Variants in PCDH7 observed in about 807,000 individuals in gnomAD.
PCDH7 encodes protocadherin 7, also known as protocadherin-7.
PCDH7 carries 17 observed loss-of-function variants against 58.9 expected under a neutral mutation model. The ratio of observed to expected loss-of-function variants is 0.29; its 90% CI spans 0.20 to 0.43. PCDH7 has a LOEUF of 0.43. Ranked by LOEUF, PCDH7 falls within the 20% of genes least tolerant of loss-of-function variation. The probability of loss-of-function intolerance (pLI) is 1.00; values close to 1 mark genes in which losing one functional copy is unlikely to be tolerated. For synonymous variants in PCDH7, 664 were observed against 616.4 expected (o/e 1.08, Z -1.14); for missense variants, 1,274 against 1,441.0 (o/e 0.88, Z 1.88).
chr4:30,829,792 A>G (rs996914302), intron 1 of PCDH7, among the ~76,000 whole-genome samples: 16 of 152,128 alleles, frequency 1.1e-4, no homozygotes, highest in Non-Finnish European at 2.2e-4. Flanking sequence ...AGGAAGCTTT[A>G]TCATCTTATT....
At chr4:30,904,271 T>G (rs1194894941) in intron 1 of PCDH7, among the ~76,000 whole-genome samples, 1 of 152,170 alleles carries the variant, frequency 6.6e-6, no homozygotes, top group African/African-American at 2.4e-5. Flanking sequence ...CTCACTAGAC[T>G]AAAATCAAGG....
chr4:30,781,372 C>T (rs140196390), intron 1 of PCDH7, among the ~76,000 whole-genome samples: 1,607 of 152,082 alleles, frequency 0.011, 24 homozygotes, highest in African/African-American at 0.037. Context: ...GATCTCCTGA[C>T]CTCGTGAACC....
intron 3 of PCDH7, among the ~76,000 whole-genome samples, chr4:31,074,357 C>T (rs1758794979): frequency 6.6e-6 from 1 of 151,556 alleles, no homozygotes. Context: ...GAAGATATAG[C>T]ATTATTATAT....
At chr4:31,079,611 A>G (rs1362692070) in intron 3 of PCDH7, among the ~76,000 whole-genome samples, 3 of 151,544 alleles carry the variant, frequency 2.0e-5, no homozygotes, top group African/African-American at 7.2e-5. Context: ...GTACAGGTTT[A>G]TAGAATTGCA....
At chr4:30,880,918 G>A (rs1456444768) in intron 1 of PCDH7, among the ~76,000 whole-genome samples, 7 of 152,066 alleles carry the variant, frequency 4.6e-5, no homozygotes, top group Non-Finnish European at 2.9e-5. Flanking sequence ...CATCAAGACT[G>A]GGTAGCTTCT....
At chr4:30,992,761 TGTCAATGGCCAA>T (rs1315265723) in intron 3 of PCDH7, among the ~76,000 whole-genome samples, 2 of 150,876 alleles carry the variant, frequency 1.3e-5, no homozygotes, top group African/African-American at 4.9e-5. Flanking sequence ...CTGTTGCTAA[TGTCAATGGCCAA>T]GGAGGACTAC....
intron 3 of PCDH7, among the ~76,000 whole-genome samples, chr4:31,040,410 G>A (rs1300734736): frequency 1.3e-5 from 2 of 152,138 alleles, no homozygotes; most frequent in African/African-American, 4.8e-5. Flanking sequence ...AATGTGCATG[G>A]TGTTCATAAA....
intron 1 of PCDH7, among the ~76,000 whole-genome samples, chr4:30,880,764 T>C (rs1736861154): frequency 6.6e-6 from 1 of 151,878 alleles, no homozygotes; most frequent in African/African-American, 2.4e-5. Flanking sequence ...TAATATAGAG[T>C]AACACAGATA....
rs937060319 is a variant in PCDH7 at position 30,975,124 on chromosome 4, ATCCAGTCCT to A, written c.*7+24913_*7+24921del. Among the ~76,000 whole-genome samples the A allele has an allele frequency of 4.1e-5, 6 of 145,728 alleles. No individual in the cohort carries two copies. In the Admixed American group the frequency reaches 4.2e-4, roughly 10 times the overall value. ...AATATGTTACAAACCCATCAAATCC[ATCCAGTCCT>A]TCCCTTTCATTGTGTGTGTGTGTGT... On this transcript the variant is annotated intron_variant, in intron 3 of 3. Coordinates refer to the PCDH7 transcript ENST00000509759.
intron 3 of PCDH7, among the ~76,000 whole-genome samples, chr4:31,141,865 G>A (rs147162798): frequency 1.6e-3 from 243 of 152,286 alleles, no homozygotes; most frequent in African/African-American, 5.5e-3. Context: ...GCGTGATATT[G>A]CTAGTATGCT....
At chr4:30,885,262 A>C (rs1339357601) in intron 1 of PCDH7, 2 of 152,212 alleles carry the variant, frequency 1.3e-5, no homozygotes, top group Non-Finnish European at 2.9e-5. Flanking sequence ...ATTAAAACAC[A>C]GACTCTGCAG....
At chr4:30,993,848 G>T (rs1578511040) in intron 3 of PCDH7, among the ~76,000 whole-genome samples, 2 of 151,920 alleles carry the variant, frequency 1.3e-5, no homozygotes, top group African/African-American at 4.8e-5. Context: ...TTTAAAACCT[G>T]CAATGCCCAC....
intron 3 of PCDH7, among the ~76,000 whole-genome samples, chr4:30,971,756 G>A (rs1749608488): frequency 6.6e-6 from 1 of 152,160 alleles, no homozygotes; most frequent in Non-Finnish European, 1.5e-5. Context: ...TAGTCCAGGA[G>A]TTCAAGACCA....
intron 3 of PCDH7, among the ~76,000 whole-genome samples, chr4:31,074,147 C>G (rs1302516377): frequency 4.6e-5 from 7 of 151,664 alleles, no homozygotes; most frequent in Non-Finnish European, 1.0e-4. Flanking sequence ...CCCCAAAACC[C>G]CCGTCACATT....
chr4:30,864,579 G>T (rs531516990), intron 1 of PCDH7, among the ~76,000 whole-genome samples: 2 of 151,954 alleles, frequency 1.3e-5, no homozygotes, highest in South Asian at 2.1e-4. Flanking sequence ...CATTTACATG[G>T]ATGACAGACT....
intron 3 of PCDH7, among the ~76,000 whole-genome samples, chr4:31,073,270 G>A (rs75255112): frequency 6.3e-4 from 96 of 152,262 alleles, no homozygotes; most frequent in African/African-American, 2.1e-3. Flanking sequence ...TTATTTGAAT[G>A]TTAGAACCAT....
intron 3 of PCDH7, among the ~76,000 whole-genome samples, chr4:31,016,421 A>T (rs1753605967): frequency 6.8e-6 from 1 of 148,044 alleles, no homozygotes; most frequent in Admixed American, 6.7e-5. Context: ...TTTGCAGAAC[A>T]TCACTATTGC....
At chr4:30,868,200 A>T (rs529533559) in intron 1 of PCDH7, among the ~76,000 whole-genome samples, 1 of 152,172 alleles carries the variant, frequency 6.6e-6, no homozygotes, top group East Asian at 1.9e-4. Flanking sequence ...TTTCTGGCGA[A>T]ATTCCTATAT....
chr4:30,859,169 G>A (rs1055870642), intron 1 of PCDH7, among the ~76,000 whole-genome samples: 6 of 152,020 alleles, frequency 3.9e-5, no homozygotes, highest in Admixed American at 3.9e-4. Flanking sequence ...CTCATTTTTA[G>A]GACAAAGTGC....
Sources: allele counts gnomAD v4.1 joint callset (sites outside exome capture counted in the v4.1 genomes callset), GRCh38; gene constraint gnomAD v4.1.1; transcripts MANE v1.5; gene names NCBI Gene and HGNC (gene_info 2026-07-23, HGNC 2026-07-21).